AKAP19: variants seen among roughly 807,000 people sequenced by gnomAD.
AKAP19 encodes small A-kinase anchoring protein.
At chr2:189,980,873 T>A in the AKAP19 span, among the ~76,000 whole-genome samples, 1 of 152,360 alleles carries the variant, frequency 6.6e-6, no homozygotes, top group East Asian at 1.9e-4. Flanking sequence ...TATTTTATTA[T>A]GGTTCAAGAA....
chr2:190,128,308 T>C, the AKAP19 span, among the ~76,000 whole-genome samples: 2 of 152,136 alleles, frequency 1.3e-5, no homozygotes, highest in African/African-American at 2.4e-5. Flanking sequence ...CTAAAAATGC[T>C]TGGAATATAC....
chr2:189,892,665 A>C, the AKAP19 span, among the ~76,000 whole-genome samples: 2 of 152,182 alleles, frequency 1.3e-5, no homozygotes, highest in African/African-American at 4.8e-5. Context: ...TGAGGTGTCT[A>C]TCAACCCCTG....
chr2:190,164,614 A>T, the AKAP19 span, among the ~76,000 whole-genome samples: 29 of 152,120 alleles, frequency 1.9e-4, no homozygotes, highest in Admixed American at 3.3e-4. Flanking sequence ...TTGAAAATAA[A>T]TTTTTTTCAG....
At chr2:190,017,444 C>T in the AKAP19 span, among the ~76,000 whole-genome samples, 17 of 152,020 alleles carry the variant, frequency 1.1e-4, no homozygotes, top group African/African-American at 4.1e-4. Context: ...TAGAGTATTG[C>T]TTTGTGGTTA....
chr2:190,080,779 G>T, the AKAP19 span, among the ~76,000 whole-genome samples: 4 of 152,178 alleles, frequency 2.6e-5, no homozygotes, highest in Non-Finnish European at 4.4e-5. Context: ...TATAGATTTT[G>T]TTGTCAGAAT....
the AKAP19 span, among the ~76,000 whole-genome samples, chr2:190,095,324 G>A: frequency 6.6e-6 from 1 of 152,200 alleles, no homozygotes; most frequent in Non-Finnish European, 1.5e-5. Flanking sequence ...TCAGTGCAAT[G>A]GAGTGAATGT....
chr2:190,091,547 A>AACACACAC, the AKAP19 span, among the ~76,000 whole-genome samples: 4,192 of 150,476 alleles, frequency 0.028, 156 homozygotes, highest in East Asian at 0.077. Flanking sequence ...TCTTTTGTTA[A>AACACACAC]ACACACACAC....
At chr2:189,889,276 G>A in the AKAP19 span, among the ~76,000 whole-genome samples, 1 of 152,198 alleles carries the variant, frequency 6.6e-6, no homozygotes, top group East Asian at 1.9e-4. Flanking sequence ...GCATCCCAGT[G>A]ATGAAGCCGA....
the AKAP19 span, among the ~76,000 whole-genome samples, chr2:189,919,623 T>C: frequency 2.0e-5 from 3 of 152,172 alleles, no homozygotes; most frequent in Non-Finnish European, 1.5e-5. Context: ...CTCCCACTTA[T>C]GAGTAAGAAC....
At chr2:190,166,750 G>C in the AKAP19 span, among the ~76,000 whole-genome samples, 1 of 151,972 alleles carries the variant, frequency 6.6e-6, no homozygotes, top group African/African-American at 2.4e-5. Context: ...GAATAGAATG[G>C]GACTTCCTTG....
At chr2:189,881,703 A>G in the AKAP19 span, among the ~76,000 whole-genome samples, 3 of 152,230 alleles carry the variant, frequency 2.0e-5, no homozygotes, top group African/African-American at 7.2e-5. Context: ...GGGAAAAAGA[A>G]GGAAAAAAAT....
At chr2:189,977,023 G>A in the AKAP19 span, among the ~76,000 whole-genome samples, 1 of 152,162 alleles carries the variant, frequency 6.6e-6, no homozygotes, top group Non-Finnish European at 1.5e-5. Context: ...AGATGAAGCT[G>A]CTACCCCAGT....
the AKAP19 span, among the ~76,000 whole-genome samples, chr2:190,011,149 C>G: frequency 9.9e-5 from 15 of 151,462 alleles, no homozygotes; most frequent in Admixed American, 5.9e-4. Context: ...CCTCCACCTC[C>G]CAGGTTCCAG....
chr2:189,996,411 T>C, the AKAP19 span, among the ~76,000 whole-genome samples: 1 of 152,244 alleles, frequency 6.6e-6, no homozygotes, highest in African/African-American at 2.4e-5. Flanking sequence ...GCAGTTTGTA[T>C]TTCTCTGTGT....
chr2:190,010,149 G>A, the AKAP19 span, among the ~76,000 whole-genome samples: 3 of 152,188 alleles, frequency 2.0e-5, no homozygotes, highest in Admixed American at 6.5e-5. Flanking sequence ...AGACAAGGGA[G>A]TATTTCTGGA....
At chr2:190,121,313 A>C in the AKAP19 span, among the ~76,000 whole-genome samples, 719 of 152,036 alleles carry the variant, frequency 4.7e-3, 6 homozygotes, top group African/African-American at 0.016. Context: ...GGGTCTCTCT[A>C]TGTTGCCCAG....
the AKAP19 span, among the ~76,000 whole-genome samples, chr2:189,936,473 A>T: frequency 1.3e-5 from 2 of 152,182 alleles, no homozygotes. Context: ...AATTATAGCA[A>T]GTTCCCAAAT....
chr2:189,889,662 T>A, the AKAP19 span, among the ~76,000 whole-genome samples: 2 of 152,152 alleles, frequency 1.3e-5, no homozygotes, highest in Non-Finnish European at 2.9e-5. Context: ...CTTGGGAGGG[T>A]GTATGTGTCC....
the AKAP19 span, among the ~76,000 whole-genome samples, chr2:189,919,607 G>GT: frequency 0.012 from 1,769 of 152,178 alleles, 16 homozygotes; most frequent in Non-Finnish European, 0.02. Flanking sequence ...TGTTCTCAAT[G>GT]TTCAGCTCCC....
Sources: gnomAD v4.1 joint callset for allele counts (sites outside exome capture counted in the v4.1 genomes callset) on GRCh38, gnomAD v4.1.1 for gene constraint, MANE v1.5 for transcripts, NCBI Gene and HGNC (gene_info 2026-07-23, HGNC 2026-07-21) for gene names.